ANKRD36: variants seen among roughly 807,000 people sequenced by gnomAD.
The protein encoded by ANKRD36 is ankyrin repeat domain-containing protein 36A.
Under a neutral mutation model 278.1 loss-of-function variants are expected in ANKRD36, and 179 were observed. The ratio of observed to expected loss-of-function variants is 0.64; its 90% CI spans 0.57 to 0.73. The LOEUF (loss-of-function observed/expected upper bound fraction) is 0.73, where lower values mean the gene tolerates loss of function less well. Among genes scored for constraint, ANKRD36 ranks in the 30% least tolerant of loss-of-function variants. The pLI is 0.00. For synonymous variants in ANKRD36, 320 were observed against 641.1 expected (o/e 0.50, Z 7.57); for missense variants, 1,159 against 1,956.7 (o/e 0.59, Z 7.69).
chr2:97,226,372 C>A (rs2069625311), intron 67 of ANKRD36, among the ~76,000 whole-genome samples: 1 of 151,762 alleles, frequency 6.6e-6, no homozygotes, highest in African/African-American at 2.4e-5. Context: ...TCTCTGATGG[C>A]CAGTGATGGT....
chr2:97,202,054 G>A (rs1393257298), intron 46 of ANKRD36, 148 bp from the exon 47 acceptor site: 61 of 1,496,014 alleles, frequency 4.1e-5, no homozygotes, highest in Non-Finnish European at 4.1e-5. Flanking sequence ...TTTCTGTCAC[G>A]TTCTAGTCCC....
At chr2:97,120,668 C>A (rs2036551360) in intron 3 of ANKRD36, among the ~76,000 whole-genome samples, 2 of 151,814 alleles carry the variant, frequency 1.3e-5, no homozygotes, top group African/African-American at 2.4e-5. Context: ...TTATTGTATT[C>A]TTGGGCCTAT....
chr2:97,198,438 A>G (rs2060411443), intron 42 of ANKRD36, 25 bp from the exon 43 acceptor site: 2 of 1,572,646 alleles, frequency 1.3e-6, no homozygotes, highest in African/African-American at 2.7e-5. Context: ...CATATGAGTG[A>G]TTATGAATCC....
At chr2:97,177,858 T>A (rs200394726) in intron 22 of ANKRD36, among the ~76,000 whole-genome samples, 91 of 151,786 alleles carry the variant, frequency 6.0e-4, no homozygotes, top group Non-Finnish European at 1.1e-3. Context: ...GCTTCTGCAC[T>A]GCAAAAGAAA....
At chr2:97,242,356 G>T (rs2074601724) in intron 69 of ANKRD36, among the ~76,000 whole-genome samples, 1 of 151,814 alleles carries the variant, frequency 6.6e-6, no homozygotes, top group African/African-American at 2.4e-5. Flanking sequence ...AAAATGTAAA[G>T]TGATTACTGA....
chr2:97,227,682 G>C (rs552297855), intron 67 of ANKRD36, among the ~76,000 whole-genome samples: 2 of 152,254 alleles, frequency 1.3e-5, no homozygotes, highest in South Asian at 4.2e-4. Context: ...AGTGGTGAGA[G>C]AGGGCATCCC....
chr2:97,203,666 A>G (rs1381434895), intron 48 of ANKRD36, among the ~76,000 whole-genome samples: 4 of 151,808 alleles, frequency 2.6e-5, no homozygotes, highest in East Asian at 1.9e-4. Flanking sequence ...TTGTAGTATA[A>G]TGGTGTAAAT....
chr2:97,182,731 G>A (rs887612625), intron 26 of ANKRD36, among the ~76,000 whole-genome samples: 4 of 151,072 alleles, frequency 2.6e-5, no homozygotes, highest in Non-Finnish European at 4.4e-5. Context: ...ACTTTATTTT[G>A]TATAAGTATG....
chr2:97,146,582 A>G (rs1035472165), intron 11 of ANKRD36, 66 bp downstream of exon 11: 1 of 1,396,190 alleles, frequency 7.2e-7, no homozygotes, highest in African/African-American at 1.5e-5. Flanking sequence ...AGAAACTAGT[A>G]TCCATTTAGT....
intron 46 of ANKRD36, 45 bp from the exon 47 acceptor site, chr2:97,202,157 G>C (rs745949701): frequency 6.2e-7 from 1 of 1,606,242 alleles, no homozygotes; most frequent in South Asian, 1.1e-5. Context: ...GGAAATCTTT[G>C]TCATATTTAC....
intron 22 of ANKRD36, among the ~76,000 whole-genome samples, chr2:97,173,222 G>A (rs1270256617): frequency 6.6e-6 from 1 of 151,420 alleles, no homozygotes; most frequent in Non-Finnish European, 1.5e-5. Flanking sequence ...ACATAAAATA[G>A]CTCCACAAAG....
intron 3 of ANKRD36, among the ~76,000 whole-genome samples, chr2:97,122,384 T>C (rs1376628684): frequency 2.0e-5 from 3 of 149,960 alleles, no homozygotes; most frequent in Non-Finnish European, 4.4e-5. Flanking sequence ...AGTCTCTCTT[T>C]TGGGGTATAA....
intron 1 of ANKRD36, among the ~76,000 whole-genome samples, chr2:97,117,756 A>G (rs1250051082): frequency 1.3e-5 from 2 of 152,074 alleles, no homozygotes; most frequent in African/African-American, 4.8e-5. Context: ...GCATCACAGC[A>G]GTGTTCTGTG....
At chr2:97,207,763 T>G in intron 52 of ANKRD36, 48 bp from the exon 53 acceptor site, 1 of 1,543,022 alleles carries the variant, frequency 6.5e-7, no homozygotes, top group Non-Finnish European at 8.8e-7. Context: ...TATGGATAAT[T>G]TTGTCATTTT....
intron 22 of ANKRD36, among the ~76,000 whole-genome samples, chr2:97,178,671 A>C: frequency 9.1e-6 from 1 of 110,048 alleles, no homozygotes; most frequent in Admixed American, 1.3e-4. Context: ...CACTCTGGGG[A>C]CTTTTGTGGG....
chr2:97,176,022 T>G (rs1235028871), intron 22 of ANKRD36, among the ~76,000 whole-genome samples: 18 of 151,672 alleles, frequency 1.2e-4, no homozygotes, highest in Middle Eastern at 3.4e-3. Context: ...TTTTACATTT[T>G]CTGAGGAGAG....
chr2:97,114,304 T>A (rs1418114969), intron 1 of ANKRD36, among the ~76,000 whole-genome samples: 1 of 61,632 alleles, frequency 1.6e-5, no homozygotes, highest in Admixed American at 2.1e-4. Context: ...GGGGTGGGGG[T>A]GAATGGGGTG....
intron 6 of ANKRD36, among the ~76,000 whole-genome samples, chr2:97,128,309 C>T (rs920345595): frequency 1.3e-5 from 2 of 151,854 alleles, no homozygotes; most frequent in Non-Finnish European, 2.9e-5. Context: ...CATTCCCTCC[C>T]AACCCCCAGG....
At chr2:97,199,478 A>C (rs1178945964) in intron 44 of ANKRD36, among the ~76,000 whole-genome samples, 4 of 152,058 alleles carry the variant, frequency 2.6e-5, no homozygotes, top group East Asian at 1.9e-4. Flanking sequence ...TACTCCCAAC[A>C]AGACTATTTT....
Sources: gnomAD v4.1 joint callset for allele counts (sites outside exome capture counted in the v4.1 genomes callset) on GRCh38, gnomAD v4.1.1 for gene constraint, MANE v1.5 for transcripts, NCBI Gene and HGNC (gene_info 2026-07-23, HGNC 2026-07-21) for gene names.